Variants in ZNF804B observed in about 807,000 individuals in gnomAD.
ZNF804B encodes the protein zinc finger 804B.
ZNF804B carries 80 observed loss-of-function variants against 101.4 expected under a neutral mutation model. The ratio of observed to expected loss-of-function variants is 0.79; its 90% CI spans 0.66 to 0.95. The LOEUF is 0.95. Ranked by LOEUF, ZNF804B falls within the 40% of genes least tolerant of loss-of-function variation. The pLI, the probability that ZNF804B is intolerant of heterozygous loss-of-function variation, is 0.00. For missense variants in ZNF804B, 1,673 were observed against 1,561.9 expected (o/e 1.07, Z -1.20); for synonymous variants, 622 against 558.8 (o/e 1.11, Z -1.59).
At chr7:89,291,818 T>A (rs1390841442) in intron 2 of ZNF804B, among the ~76,000 whole-genome samples, 2 of 152,114 alleles carry the variant, frequency 1.3e-5, no homozygotes, top group African/African-American at 4.8e-5. Context: ...CAAAGAAGAC[T>A]ATCTCAAGGC....
At chr7:88,854,549 T>TCCCTTCCCTC (rs1554340280) in intron 1 of ZNF804B, among the ~76,000 whole-genome samples, 2 of 120,388 alleles carry the variant, frequency 1.7e-5, no homozygotes, top group East Asian at 5.6e-4. Flanking sequence ...CTTCCTTCCT[T>TCCCTTCCCTC]CCTTCCTTCC....
intron 2 of ZNF804B, among the ~76,000 whole-genome samples, chr7:89,283,190 A>C (rs1281446228): frequency 6.6e-6 from 1 of 152,164 alleles, no homozygotes; most frequent in Admixed American, 6.5e-5. Flanking sequence ...ATGTTGTCAT[A>C]AAAATTATTT....
At chr7:89,168,405 G>T (rs1791174546) in intron 1 of ZNF804B, among the ~76,000 whole-genome samples, 1 of 151,988 alleles carries the variant, frequency 6.6e-6, no homozygotes, top group South Asian at 2.1e-4. Flanking sequence ...CTAAACTGAA[G>T]GAGGGAAAAA....
chr7:89,221,858 G>A (rs193013976), intron 2 of ZNF804B, among the ~76,000 whole-genome samples: 5 of 151,736 alleles, frequency 3.3e-5, no homozygotes, highest in African/African-American at 7.2e-5. Flanking sequence ...ACAATGATTC[G>A]GTTTCTACTG....
chr7:89,007,571 A>G (rs1273429514), intron 1 of ZNF804B, among the ~76,000 whole-genome samples: 1 of 129,230 alleles, frequency 7.7e-6, no homozygotes, highest in East Asian at 2.1e-4. Flanking sequence ...TATTATAATT[A>G]TATATAATAT....
chr7:89,126,023 G>A (rs1015111010), intron 1 of ZNF804B, among the ~76,000 whole-genome samples: 10 of 151,902 alleles, frequency 6.6e-5, no homozygotes, highest in Non-Finnish European at 1.5e-4. Flanking sequence ...GTGATGTATT[G>A]TAAATCAATA....
chr7:88,874,355 T>G (rs1791888921), intron 1 of ZNF804B, among the ~76,000 whole-genome samples: 6 of 151,326 alleles, frequency 4.0e-5, no homozygotes, highest in Non-Finnish European at 8.9e-5. Flanking sequence ...GCTTATCAGC[T>G]TAAGGAGATT....
chr7:88,825,879 G>A (rs964107091), intron 1 of ZNF804B, among the ~76,000 whole-genome samples: 1 of 152,116 alleles, frequency 6.6e-6, no homozygotes, highest in African/African-American at 2.4e-5. Flanking sequence ...GTGCTGGCTT[G>A]GGTGATTCCT....
At chr7:89,266,339 A>T (rs1789795944) in intron 2 of ZNF804B, among the ~76,000 whole-genome samples, 1 of 152,134 alleles carries the variant, frequency 6.6e-6, no homozygotes, top group Admixed American at 6.6e-5. Context: ...TTTGCATTTC[A>T]AAATTTTGAG....
chr7:89,247,195 A>G (rs1056913713), intron 2 of ZNF804B, among the ~76,000 whole-genome samples: 34 of 152,148 alleles, frequency 2.2e-4, no homozygotes, highest in African/African-American at 8.2e-4. Flanking sequence ...CTCCTTTGAC[A>G]CTGATGTCTG....
chr7:89,125,498 G>A (rs1790464664), intron 1 of ZNF804B, among the ~76,000 whole-genome samples: 1 of 151,638 alleles, frequency 6.6e-6, no homozygotes, highest in Non-Finnish European at 1.5e-5. Context: ...AATTCTAACA[G>A]TCTTAGCCAT....
chr7:89,279,843 G>C (rs1260970288), intron 2 of ZNF804B, among the ~76,000 whole-genome samples: 1 of 151,990 alleles, frequency 6.6e-6, no homozygotes, highest in African/African-American at 2.4e-5. Context: ...CCAGGCTTTG[G>C]TATCAGGGTG....
At chr7:89,205,051 T>C (rs963659282) in intron 1 of ZNF804B, among the ~76,000 whole-genome samples, 1 of 152,160 alleles carries the variant, frequency 6.6e-6, no homozygotes, top group Non-Finnish European at 1.5e-5. Context: ...AGCAAGGTCA[T>C]GTCTTACATG....
intron 1 of ZNF804B, among the ~76,000 whole-genome samples, chr7:88,878,259 G>C (rs1350117619): frequency 2.6e-5 from 4 of 152,042 alleles, no homozygotes; most frequent in Non-Finnish European, 5.9e-5. Flanking sequence ...ATTCAACTCA[G>C]ATTTAAAACC....
At chr7:88,799,554 A>G (rs1487198308) in intron 1 of ZNF804B, among the ~76,000 whole-genome samples, 2 of 152,102 alleles carry the variant, frequency 1.3e-5, no homozygotes, top group African/African-American at 4.8e-5. Flanking sequence ...TGGATAAAGT[A>G]AATTTAAAGA....
In ZNF804B at chr7:88,855,447, G is replaced by T. The variant is rs868372740; in HGVS notation, c.108+95363G>T. Among the ~76,000 whole-genome samples the T allele has an allele frequency of 8.2e-3, 1,249 of 151,804 alleles. 19 individuals carry two copies. Among genetic ancestry groups the T allele is most frequent in the African/African-American group, 0.029 (1,184 of 41,380 alleles). The stretch of plus-strand genomic sequence containing the variant: ...ATATCCTTTGCCCACTTGTTGATGG[G>T]GTTGTTTGTTTTTTTCTTGTAAATT... On this transcript the variant is annotated intron_variant, in intron 1 of 3. Coordinates refer to ENST00000333190, the MANE Select transcript of ZNF804B (RefSeq NM_181646.5).
At chr7:89,044,994 A>G (rs1248143974) in intron 1 of ZNF804B, among the ~76,000 whole-genome samples, 1 of 152,174 alleles carries the variant, frequency 6.6e-6, no homozygotes. Flanking sequence ...CAGGCCGGGT[A>G]GCCTATGAGG....
intron 1 of ZNF804B, among the ~76,000 whole-genome samples, chr7:89,111,804 T>C (rs1790222056): frequency 6.6e-6 from 1 of 152,182 alleles, no homozygotes; most frequent in Non-Finnish European, 1.5e-5. Context: ...AATGTGAATA[T>C]ATTTAATGCT....
At chr7:89,133,704 C>T (rs553769123) in intron 1 of ZNF804B, among the ~76,000 whole-genome samples, 2 of 152,158 alleles carry the variant, frequency 1.3e-5, no homozygotes, top group South Asian at 2.1e-4. Flanking sequence ...AGACCCTTTA[C>T]AAGCAAATAG....
Sources: allele counts gnomAD v4.1 joint callset (sites outside exome capture counted in the v4.1 genomes callset), GRCh38; gene constraint gnomAD v4.1.1; transcripts MANE v1.5; gene names NCBI Gene and HGNC (gene_info 2026-07-23, HGNC 2026-07-21).